DYSF: variants seen among roughly 807,000 people sequenced by gnomAD.
The protein encoded by DYSF is dysferlin.
DYSF carries 212 observed loss-of-function variants against 274.9 expected under a neutral mutation model. The observed-to-expected ratio is 0.77, with a 90% CI of 0.69 to 0.86. The LOEUF (loss-of-function observed/expected upper bound fraction) is 0.86, where lower values mean the gene tolerates loss of function less well. Among genes scored for constraint, DYSF ranks in the 40% least tolerant of loss-of-function variants. The probability of loss-of-function intolerance (pLI) is 0.00; values close to 1 mark genes in which losing one functional copy is unlikely to be tolerated. For missense variants in DYSF, 2,666 were observed against 2,783.2 expected (o/e 0.96, Z 0.95); for synonymous variants, 1,091 against 1,078.7 (o/e 1.01, Z -0.22).
chr2:71,480,257 G>A (rs1382183397), intron 1 of DYSF, among the ~76,000 whole-genome samples: 2 of 152,202 alleles, frequency 1.3e-5, no homozygotes, highest in African/African-American at 4.8e-5. Flanking sequence ...TAGAAGGCTG[G>A]ATGTGGTGGC....
chr2:71,549,590 A>AT (rs1329424048), intron 17 of DYSF, among the ~76,000 whole-genome samples: 1 of 151,760 alleles, frequency 6.6e-6, no homozygotes, highest in Non-Finnish European at 1.5e-5. Flanking sequence ...GGAATGCTTT[A>AT]AGGGGCAATT....
chr2:71,524,845 CT>C (rs1435900809), intron 12 of DYSF, among the ~76,000 whole-genome samples: 2 of 152,220 alleles, frequency 1.3e-5, no homozygotes, highest in Non-Finnish European at 2.9e-5. Context: ...AGCCCCCTTG[CT>C]CTGTGCTCTC....
chr2:71,579,839 G>A (rs1381823237), intron 30 of DYSF, among the ~76,000 whole-genome samples: 2 of 152,210 alleles, frequency 1.3e-5, no homozygotes, highest in African/African-American at 2.4e-5. Context: ...TACCACATTG[G>A]GCAGTGCAGC....
rs538106334 is a variant in DYSF, at chr2:71,560,059, G to A, written c.2217-1693G>A. ...CCTACCTGCAATTTCCAAGTCAGCCGGCGTTGGCGGGGCCCCTGGCTTTGC... is the reference window on the plus strand; with the variant it reads ...CCTACCTGCAATTTCCAAGTCAGCCAGCGTTGGCGGGGCCCCTGGCTTTGC... On this transcript the variant is annotated intron_variant, in intron 22 of 55. Coordinates refer to ENST00000410020, the MANE Select transcript of DYSF (RefSeq NM_001130987.2). Among the ~76,000 whole-genome samples the A allele has an allele frequency of 4.6e-5, 7 of 152,328 alleles. No individual in the cohort carries two copies. The South Asian group carries it at 1.0e-3, about 23-fold the overall frequency.
intron 14 of DYSF, among the ~76,000 whole-genome samples, chr2:71,530,388 C>A (rs1186182228): frequency 6.6e-6 from 1 of 152,206 alleles, no homozygotes; most frequent in East Asian, 1.9e-4. Context: ...CCTCAGAGCT[C>A]CGGGGCTCCG....
intron 40 of DYSF, among the ~76,000 whole-genome samples, chr2:71,620,340 G>A (rs2094064901): frequency 1.3e-5 from 2 of 152,202 alleles, no homozygotes; most frequent in African/African-American, 2.4e-5. Flanking sequence ...CAGATAGGAC[G>A]CTGACCCAGA....
At chr2:71,644,145 A>G in intron 42 of DYSF, 82 bp downstream of exon 42, 1 of 1,160,720 alleles carries the variant, frequency 8.6e-7, no homozygotes, top group East Asian at 2.5e-5. Context: ...GAGCTCATGC[A>G]GTAGATGTAT....
At chr2:71,679,365 A>G in intron 53 of DYSF, 130 bp downstream of exon 53, 1 of 893,678 alleles carries the variant, frequency 1.1e-6, no homozygotes, top group Non-Finnish European at 1.7e-6. Flanking sequence ...TCCTGCCCCC[A>G]TCCCCCCTCT....
rs764642599 is a variant in DYSF, at chr2:71,665,221, G to A, written c.5234G>A (p.Cys1745Tyr). 1.2e-6 allele frequency: 2 copies of A among 1,614,068 alleles called. No individual in the cohort carries two copies. The highest frequency in any genetic ancestry group is 1.7e-6 in the Non-Finnish European group (2 of 1,180,034). Residue 1745 changes from cysteine (C) to tyrosine (Y), a missense_variant, in exon 47 of 56, where the codon TGC becomes TAC. Coordinates refer to ENST00000410020, the MANE Select transcript of DYSF (RefSeq NM_001130987.2). ...LRPSQLLHLF[C>Y]QQHRVKAPVY... ...CCCTCCCAGCTCCTCCACCTCTTCT[G>A]CCAGCAGCATAGAGTCAAGGCACCT...
chr2:71,458,580 G>C (rs1174731746), intron 1 of DYSF, among the ~76,000 whole-genome samples: 1 of 152,130 alleles, frequency 6.6e-6, no homozygotes, highest in Non-Finnish European at 1.5e-5. Context: ...TCTCTTTCTG[G>C]GAACAAGTAT....
rs1476339280 is a variant in DYSF at position 71,669,112 on chromosome 2, G to T, written c.5547G>T (p.Arg1849Ser). The T allele has an allele frequency of 1.3e-6, 2 of 1,595,130 alleles. No homozygotes were observed. The highest frequency in any genetic ancestry group is 2.2e-5 in the East Asian group (1 of 44,520). Reference sequence around the variant, plus strand: ...GGATTAGAGTGATACCTTTCCCCAGGTTTTTCCTGCGTTGTATTATCTGGA... The same window carrying T: ...GGATTAGAGTGATACCTTTCCCCAGTTTTTTCCTGCGTTGTATTATCTGGA... Reference protein sequence around the residue: ...PFNITPRRARRFFLRCIIWNT... With the variant: ...PFNITPRRARSFFLRCIIWNT... Residue 1849 changes from arginine (R) to serine (S), a missense_variant and splice_region_variant, in exon 50 of 56, where the codon AGG becomes AGT. Arg to Ser is a moderately radical substitution (Grantham distance 110). Coordinates refer to ENST00000410020, the MANE Select transcript of DYSF (RefSeq NM_001130987.2).
At chr2:71,459,646 T>C (rs6739235) in intron 1 of DYSF, among the ~76,000 whole-genome samples, 2,084 of 152,304 alleles carry the variant, frequency 0.014, 49 homozygotes, top group African/African-American at 0.048. Context: ...AATTTTGTTA[T>C]AAAACATTGT....
At chr2:71,545,160 C>A (rs1216123448) in intron 17 of DYSF, among the ~76,000 whole-genome samples, 2 of 152,094 alleles carry the variant, frequency 1.3e-5, no homozygotes, top group Non-Finnish European at 2.9e-5. Flanking sequence ...GGAAAGAGTT[C>A]CAGGCAGAGG....
intron 22 of DYSF, among the ~76,000 whole-genome samples, chr2:71,560,942 G>A (rs998292454): frequency 1.3e-5 from 2 of 152,202 alleles, no homozygotes; most frequent in Non-Finnish European, 1.5e-5. Flanking sequence ...GGAGTGCACA[G>A]ACTGCCCCGC....
chr2:71,682,732 T>C (rs2095311370), intron 55 of DYSF, 55 bp downstream of exon 55: 1 of 1,576,874 alleles, frequency 6.3e-7, no homozygotes, highest in African/African-American at 1.4e-5. Context: ...ATGGGGGAGT[T>C]CATCATTGTC....
Position 71,601,495 on chromosome 2 carries a change from C to G in DYSF, c.3898-4C>G, listed in dbSNP as rs555206040. 1.4e-4 allele frequency: 230 copies of G among 1,614,208 alleles called. 7 individuals carry two copies. The South Asian group carries it at 2.2e-3, about 15-fold the overall frequency. On this transcript the variant is annotated splice_region_variant and splice_polypyrimidine_tract_variant and intron_variant, in intron 34 of 55. Transcript: ENST00000410020. ...TGACCAGAGCTCTCTTTTCTTCACT[C>G]CAGCCGGCCATCCACCATATTCCTG...
rs139258703 is a variant in DYSF at position 71,539,207 on chromosome 2, C to G, written c.1544C>G (p.Ser515Trp). 20 of 1,614,064 alleles carry G rather than the reference C, an allele frequency of 1.2e-5. 1 individual carries two copies. The South Asian group carries it at 2.1e-4, about 17-fold the overall frequency. ...GTGGCTACCACCTACCTGAGTATGT[C>G]GAAAATCTCTGCCCCTGGAGGAGAA... ...DIVATTYLSMSKISAPGGEIE... is the reference protein window; with the variant it reads ...DIVATTYLSMWKISAPGGEIE... The change falls in exon 17 of 56, where the codon TCG (serine) becomes TGG (tryptophan). Residue 515 changes from serine to tryptophan, a missense_variant. This residue lies in a region of DYSF where 794 missense variants were observed against 777.1 expected (regional missense o/e 1.02). Coordinates refer to ENST00000410020, the MANE Select transcript of DYSF (RefSeq NM_001130987.2).
chr2:71,454,003 T>G, exon 1 of DYSF: 1 of 1,614,176 alleles, frequency 6.2e-7, no homozygotes. Flanking sequence ...CCAAGCATGC[T>G]GAGGGTCTTC....
chr2:71,516,960 A>C, intron 9 of DYSF, 29 bp from the exon 10 acceptor site: 1 of 1,612,990 alleles, frequency 6.2e-7, no homozygotes, highest in Non-Finnish European at 8.5e-7. Flanking sequence ...TTCCCTGTGA[A>C]TGTGAGTTTC....
Sources: allele counts gnomAD v4.1 joint callset (sites outside exome capture counted in the v4.1 genomes callset), GRCh38; gene constraint gnomAD v4.1.1; regional missense constraint gnomAD v4.1.1; transcripts MANE v1.5; gene names NCBI Gene and HGNC (gene_info 2026-07-23, HGNC 2026-07-21).